Variants in GRID2 observed in about 807,000 individuals in gnomAD.
GRID2 encodes the protein glutamate ionotropic receptor delta type subunit 2.
GRID2 carries 33 observed loss-of-function variants against 114.8 expected under a neutral mutation model. The ratio of observed to expected loss-of-function variants is 0.29; its 90% CI spans 0.22 to 0.38. The LOEUF (loss-of-function observed/expected upper bound fraction) is 0.38, where lower values mean the gene tolerates loss of function less well. GRID2 is among the 10% of genes least tolerant of loss of function. The pLI, the probability that GRID2 is intolerant of heterozygous loss-of-function variation, is 1.00. For synonymous variants in GRID2, 505 were observed against 449.9 expected (o/e 1.12, Z -1.55); for missense variants, 1,184 against 1,257.7 (o/e 0.94, Z 0.89).
rs5860292 is a variant in GRID2, at chr4:92,815,914, CAAAAAAAAAAAAAA to C, written c.244+225639_244+225652del. Among the ~76,000 whole-genome samples, 183 of 46,898 alleles carry C rather than the reference CAAAAAAAAAAAAAA, an allele frequency of 3.9e-3. 2 individuals carry two copies. Among genetic ancestry groups the C allele is most frequent in the African/African-American group, 0.015 (171 of 11,396 alleles). The allele number at this position is 46,898 out of a possible 152,430, so 30.8% of individuals were successfully genotyped here. A position where few individuals can be genotyped will look rare whatever the true frequency, so the allele number is the denominator to read the frequency against. ...AAGGTGACAGTGCATGACCCTGTCT[CAAAAAAAAAAAAAA>C]AAAAAAAAAAGGAAAGAAAAAAACA... On this transcript the variant is annotated intron_variant, in intron 2 of 15. Coordinates refer to ENST00000282020, the MANE Select transcript of GRID2 (RefSeq NM_001510.4).
intron 4 of GRID2, among the ~76,000 whole-genome samples, chr4:93,139,359 A>T (rs1197758955): frequency 6.6e-6 from 1 of 152,126 alleles, no homozygotes. Flanking sequence ...CACTGAACAC[A>T]TTATTCTCCC....
At chr4:92,601,959 C>T (rs896152023) in intron 2 of GRID2, among the ~76,000 whole-genome samples, 2 of 151,744 alleles carry the variant, frequency 1.3e-5, no homozygotes, top group African/African-American at 4.8e-5. Context: ...AAGACTGAAC[C>T]AGGAAGAAGT....
chr4:93,198,943 T>A (rs1228895493), intron 4 of GRID2, among the ~76,000 whole-genome samples: 1 of 152,194 alleles, frequency 6.6e-6, no homozygotes, highest in Non-Finnish European at 1.5e-5. Flanking sequence ...AAAATCCAAC[T>A]AAGAACTCAT....
At chr4:92,483,114 C>T (rs140885307) in intron 1 of GRID2, among the ~76,000 whole-genome samples, 2,356 of 152,056 alleles carry the variant, frequency 0.015, 59 homozygotes, top group African/African-American at 0.053. Context: ...CTGAGGTGGG[C>T]GGATCACAAG....
rs1017113955 is a variant in GRID2 at position 92,470,409 on chromosome 4, A to G, written c.89-119722A>G. 3.3e-5 allele frequency among the ~76,000 whole-genome samples: 5 copies of G among 152,110 alleles called. No homozygotes were observed. In the East Asian group the frequency reaches 9.6e-4, roughly 29 times the overall value. On this transcript the variant is annotated intron_variant, in intron 1 of 15. Coordinates refer to ENST00000282020, the MANE Select transcript of GRID2 (RefSeq NM_001510.4). ...AAAGAATTCCTTGAGTTTGGCCAAA[A>G]TTCAAAATTTTAACTTAGAAAATAA...
intron 1 of GRID2, among the ~76,000 whole-genome samples, chr4:92,550,991 GTTAA>G (rs998291247): frequency 4.6e-5 from 7 of 152,172 alleles, no homozygotes; most frequent in African/African-American, 1.4e-4. Flanking sequence ...TCTGATTCTG[GTTAA>G]TTGTTTCTTT....
At chr4:92,454,691 C>T (rs560010869) in intron 1 of GRID2, among the ~76,000 whole-genome samples, 2 of 152,232 alleles carry the variant, frequency 1.3e-5, no homozygotes, top group East Asian at 1.9e-4. Context: ...AAAATATTAG[C>T]CGGGCGTGTT....
intron 2 of GRID2, among the ~76,000 whole-genome samples, chr4:92,849,615 C>A (rs1192578582): frequency 6.6e-6 from 1 of 151,922 alleles, no homozygotes; most frequent in Non-Finnish European, 1.5e-5. Flanking sequence ...ACCCCTTCAA[C>A]TCCATTTTTC....
intron 2 of GRID2, among the ~76,000 whole-genome samples, chr4:92,749,310 C>CTTTTTTTTTTT (rs68069370): frequency 8.3e-5 from 6 of 72,006 alleles, no homozygotes; most frequent in African/African-American, 4.0e-4. Flanking sequence ...TGATTTGTAG[C>CTTTTTTTTTTT]TTTTTTTTTT....
chr4:93,560,573 T>C (rs1734825639), intron 13 of GRID2, among the ~76,000 whole-genome samples: 1 of 152,160 alleles, frequency 6.6e-6, no homozygotes, highest in South Asian at 2.1e-4. Flanking sequence ...AGGCCCCACC[T>C]TAAACACTGG....
chr4:93,008,459 T>A (rs2149227375), intron 2 of GRID2, among the ~76,000 whole-genome samples: 1 of 152,236 alleles, frequency 6.6e-6, no homozygotes, highest in East Asian at 1.9e-4. Context: ...TTGAATTTTC[T>A]TTCTTTCTGA....
At chr4:92,330,096 G>C (rs1726805392) in intron 1 of GRID2, among the ~76,000 whole-genome samples, 2 of 151,942 alleles carry the variant, frequency 1.3e-5, no homozygotes, top group Admixed American at 6.6e-5. Flanking sequence ...GCAAAGGTGA[G>C]TAAGGTAGAT....
At chr4:93,154,614 TC>T (rs1310273693) in intron 4 of GRID2, among the ~76,000 whole-genome samples, 4 of 151,990 alleles carry the variant, frequency 2.6e-5, no homozygotes, top group Non-Finnish European at 5.9e-5. Flanking sequence ...TAATAATTCT[TC>T]TAGGTAAAGA....
At chr4:92,509,181 A>C (rs1297742964) in intron 1 of GRID2, among the ~76,000 whole-genome samples, 7 of 152,010 alleles carry the variant, frequency 4.6e-5, no homozygotes, top group Admixed American at 4.6e-4. Flanking sequence ...AACATGAGCA[A>C]TAATATAAAT....
chr4:92,796,820 T>C (rs1560597514), intron 2 of GRID2, among the ~76,000 whole-genome samples: 2 of 151,896 alleles, frequency 1.3e-5, no homozygotes, highest in Non-Finnish European at 2.9e-5. Flanking sequence ...CTTTTCCCCT[T>C]CCTCGTCAGA....
chr4:93,073,945 G>A (rs529098374), intron 2 of GRID2, among the ~76,000 whole-genome samples: 1 of 152,322 alleles, frequency 6.6e-6, no homozygotes, highest in Non-Finnish European at 1.5e-5. Flanking sequence ...CTTGTGCAAA[G>A]TAACACACAA....
chr4:92,983,127 G>A (rs548504480), intron 2 of GRID2, among the ~76,000 whole-genome samples: 3 of 152,034 alleles, frequency 2.0e-5, no homozygotes, highest in Non-Finnish European at 4.4e-5. Context: ...GGAGAAGAGT[G>A]TATCAATTAA....
In GRID2 at chr4:92,939,921, G is replaced by C. The variant is rs565295626; in HGVS notation, c.245-145074G>C. Among the ~76,000 whole-genome samples, 19 of 146,636 alleles carry C rather than the reference G, an allele frequency of 1.3e-4. 3 individuals are homozygous for C. The highest frequency in any genetic ancestry group is 1.1e-3 in the East Asian group (5 of 4,588). On this transcript the variant is annotated intron_variant, in intron 2 of 15. Coordinates refer to ENST00000282020, the MANE Select transcript of GRID2 (RefSeq NM_001510.4). ...GAGGGCTCTCTTCTGTTCCATTGGT[G>C]TATATCTCTGTTTTGGTACCAGTAC...
intron 8 of GRID2, among the ~76,000 whole-genome samples, chr4:93,370,773 AT>A (rs1340718722): frequency 2.0e-5 from 3 of 151,904 alleles, no homozygotes; most frequent in Non-Finnish European, 4.4e-5. Flanking sequence ...GATCGTGTTT[AT>A]TTTCCCTGTG....
Sources: gnomAD v4.1 joint callset for allele counts (sites outside exome capture counted in the v4.1 genomes callset) on GRCh38, gnomAD v4.1.1 for gene constraint, MANE v1.5 for transcripts, NCBI Gene and HGNC (gene_info 2026-07-23, HGNC 2026-07-21) for gene names.